The following DPYSL2 variants were observed in gnomAD, a reference collection of about 807,000 sequenced individuals.
DPYSL2 encodes the protein dihydropyrimidinase like 2, also known as dihydropyrimidinase-related protein 2.
A neutral mutation model predicts 69.9 loss-of-function variants in DPYSL2; 13 were observed. The observed-to-expected ratio is 0.19, with a 90% confidence interval of 0.12 to 0.30. The LOEUF is 0.30. DPYSL2 is among the 10% of genes least tolerant of loss of function. The pLI is 1.00. For missense variants in DPYSL2, 587 were observed against 918.9 expected (o/e 0.64, Z 4.67); for synonymous variants, 326 against 359.1 (o/e 0.91, Z 1.04).
intron 1 of DPYSL2, among the ~76,000 whole-genome samples, chr8:26,561,770 A>T (rs1224227632): frequency 6.6e-6 from 1 of 152,116 alleles, no homozygotes; most frequent in Non-Finnish European, 1.5e-5. Context: ...TATCCCTCCC[A>T]TGTGCAGTTC....
chr8:26,545,810 A>T (rs1364387880), intron 1 of DPYSL2, among the ~76,000 whole-genome samples: 1 of 151,142 alleles, frequency 6.6e-6, no homozygotes, highest in African/African-American at 2.4e-5. Context: ...CTGCTCCTTT[A>T]TCAAAGATAA....
Position 26,643,967 on chromosome 8 carries a change from C to T in DPYSL2, c.1301C>T (p.Thr434Met). The change falls in exon 10 of 14, where the codon ACG becomes ATG. Residue 434 changes from threonine to methionine, a missense_variant. Physicochemically the swap from Thr to Met is moderately conservative, Grantham distance 81. Coordinates refer to ENST00000521913, the MANE Select transcript of DPYSL2 (RefSeq NM_001197293.3). The surrounding 1 kb of genome is among the most constrained non-coding windows in gnomAD (Gnocchi z 6.5). ...SLLSCGDLQV[T>M]GSAHCTFNTA... is the part of the protein sequence containing the mutation. ...CTTTGCAGTGGAGACCTCCAGGTCA[C>T]GGGCAGTGCCCATTGCACGTTTAAC... The T allele has an allele frequency of 1.2e-6, 2 of 1,614,090 alleles. No homozygotes were observed. The highest frequency in any genetic ancestry group is 1.7e-6 in the Non-Finnish European group (2 of 1,179,966).
At chr8:26,561,665 T>C (rs1372394986) in intron 1 of DPYSL2, among the ~76,000 whole-genome samples, 2 of 152,116 alleles carry the variant, frequency 1.3e-5, no homozygotes, top group African/African-American at 4.8e-5. Context: ...CATTCTTCCA[T>C]GGAAAGAGGG....
rs553699183 is a variant in DPYSL2 at position 26,564,301 on chromosome 8, C to T, written c.355-17668C>T. 6.6e-6 allele frequency among the ~76,000 whole-genome samples: 1 copy of T among 152,240 alleles called. No homozygotes were observed. The highest frequency in any genetic ancestry group is 2.4e-5 in the African/African-American group (1 of 41,544). ...AGGCCAGGAGTGTACGCTACCCATT[C>T]CTGAAGCTTAACCATGTAGGAACAG... is the stretch of plus-strand genomic sequence containing the variant. On this transcript the variant is annotated intron_variant, in intron 1 of 13. Transcript: ENST00000521913. The surrounding 1 kb of genome is among the most constrained non-coding windows in gnomAD (Gnocchi z 4.8).
chr8:26,651,448 G>T (rs1468613571), intron 11 of DPYSL2, among the ~76,000 whole-genome samples: 1 of 152,194 alleles, frequency 6.6e-6, no homozygotes, highest in African/African-American at 2.4e-5. Context: ...CTCTAGTCCA[G>T]ACTCAGCCAC....
Position 26,653,437 on chromosome 8 carries a change from C to T in DPYSL2, c.1942+40C>T. ...TGGGGAGGGCACAGTTCTGCAGGGC[C>T]AGCTCGCTGGTGCTGGCGAGGCTAC... On this transcript the variant is annotated intron_variant, in intron 13 of 13. Coordinates refer to ENST00000521913, the MANE Select transcript of DPYSL2 (RefSeq NM_001197293.3). The surrounding 1 kb of genome is among the most constrained non-coding windows in gnomAD (Gnocchi z 5.7). The T allele has an allele frequency of 6.3e-7, 1 of 1,575,466 alleles. No homozygotes were observed. The highest frequency in any genetic ancestry group is 1.4e-5 in the African/African-American group (1 of 73,866).
At chr8:26,561,819 G>A (rs1801075784) in intron 1 of DPYSL2, among the ~76,000 whole-genome samples, 1 of 152,110 alleles carries the variant, frequency 6.6e-6, no homozygotes, top group Non-Finnish European at 1.5e-5. Flanking sequence ...CTACTGGCTG[G>A]CTGATCTGAC....
intron 1 of DPYSL2, among the ~76,000 whole-genome samples, chr8:26,566,658 A>C (rs910450891): frequency 7.9e-5 from 12 of 152,146 alleles, no homozygotes; most frequent in African/African-American, 2.9e-4. Context: ...AGACACCCAC[A>C]GTCCTTCTAG....
At chr8:26,632,756 C>T (rs1428275176) in intron 7 of DPYSL2, among the ~76,000 whole-genome samples, 2 of 152,248 alleles carry the variant, frequency 1.3e-5, no homozygotes, top group Non-Finnish European at 2.9e-5. Flanking sequence ...CACACCCATG[C>T]AAGACGTCCC....
chr8:26,557,166 G>A (rs1186655801), intron 1 of DPYSL2, among the ~76,000 whole-genome samples: 1 of 76,586 alleles, frequency 1.3e-5, no homozygotes, highest in African/African-American at 4.3e-5. Context: ...AACACCAAAA[G>A]CATGGTCCAT....
intron 3 of DPYSL2, among the ~76,000 whole-genome samples, chr8:26,592,208 C>G (rs973228456): frequency 2.0e-5 from 3 of 152,190 alleles, no homozygotes; most frequent in African/African-American, 7.2e-5. Flanking sequence ...ATCACCCAGG[C>G]TGTAGTGCAG....
In DPYSL2 at chr8:26,631,463, A is replaced by G. The variant is rs977301360; in HGVS notation, c.1006-3317A>G. Among the ~76,000 whole-genome samples, 6 of 152,196 alleles carry G rather than the reference A, an allele frequency of 3.9e-5. 1 individual carries two copies. The highest frequency in any genetic ancestry group is 1.2e-4 in the African/African-American group (5 of 41,444). ...CTTCCCCATAATCCAGTCACCTCCTACAGGTCCCTCCTTCAACATGTGTGG... is the reference window on the plus strand; with the variant it reads ...CTTCCCCATAATCCAGTCACCTCCTGCAGGTCCCTCCTTCAACATGTGTGG... On this transcript the variant is annotated intron_variant, in intron 7 of 13. Transcript: ENST00000521913.
rs748777295 is a variant in DPYSL2 at position 26,587,904 on chromosome 8, C to T, written c.628+3921C>T. ...ATTTTATAGAGGGGAAGACTGAGGC[C>T]GGAAGGACAGACACGACTTGCCAAC... On this transcript the variant is annotated intron_variant, in intron 3 of 13. Transcript: ENST00000521913. This position sits in a 1 kb window ranked among gnomAD's most constrained non-coding sequence, Gnocchi z 4.2. Among the ~76,000 whole-genome samples, 31 of 152,238 alleles carry T rather than the reference C, an allele frequency of 2.0e-4. No individual in the cohort carries two copies. Among genetic ancestry groups the T allele is most frequent in the Non-Finnish European group, 3.5e-4 (24 of 68,022 alleles).
chr8:26,540,786 T>A (rs2117622970), intron 1 of DPYSL2, among the ~76,000 whole-genome samples: 1 of 151,120 alleles, frequency 6.6e-6, no homozygotes, highest in Non-Finnish European at 1.5e-5. Context: ...ATGCCTGTAA[T>A]CCCAGCTACT....
chr8:26,553,585 TC>T (rs1215708503), intron 1 of DPYSL2, among the ~76,000 whole-genome samples: 1 of 152,172 alleles, frequency 6.6e-6, no homozygotes, highest in Non-Finnish European at 1.5e-5. Flanking sequence ...TGCATGGTAT[TC>T]CATGGTATAT....
chr8:26,538,434 G>A (rs1257380693), intron 1 of DPYSL2, among the ~76,000 whole-genome samples: 1 of 151,964 alleles, frequency 6.6e-6, no homozygotes, highest in Non-Finnish European at 1.5e-5. Context: ...GGTATAGGTA[G>A]GTACCAAGAG....
At chr8:26,612,751 G>A (rs1398800727) in intron 3 of DPYSL2, among the ~76,000 whole-genome samples, 2 of 152,214 alleles carry the variant, frequency 1.3e-5, no homozygotes, top group African/African-American at 4.8e-5. Flanking sequence ...AAAGGATTTA[G>A]GGATGGATCG....
intron 1 of DPYSL2, among the ~76,000 whole-genome samples, chr8:26,574,923 A>G (rs1801302576): frequency 6.6e-6 from 1 of 151,838 alleles, no homozygotes; most frequent in African/African-American, 2.4e-5. Flanking sequence ...ACACTCAGCT[A>G]ATTTATTTTG....
intron 1 of DPYSL2, among the ~76,000 whole-genome samples, chr8:26,526,375 G>T (rs1488178530): frequency 6.6e-6 from 1 of 152,176 alleles, no homozygotes; most frequent in Non-Finnish European, 1.5e-5. Context: ...TTACAGGAGT[G>T]AGCCACCTTG....
Sources: gnomAD v4.1 joint callset for allele counts (sites outside exome capture counted in the v4.1 genomes callset) on GRCh38, gnomAD v4.1.1 for gene constraint, Gnocchi (gnomAD v3.1) non-coding constraint, MANE v1.5 for transcripts, NCBI Gene and HGNC (gene_info 2026-07-23, HGNC 2026-07-21) for gene names.